MGMT: variants seen among roughly 807,000 people sequenced by gnomAD.
MGMT encodes O-6-methylguanine-DNA methyltransferase.
Under a neutral mutation model 15.9 loss-of-function variants are expected in MGMT, and 14 were observed. The ratio of observed to expected loss-of-function variants is 0.88; its 90% CI spans 0.58 to 1.37. The LOEUF is 1.37. Ranked by LOEUF, MGMT falls within the 40% of genes most tolerant of loss-of-function variation. The pLI, the probability that MGMT is intolerant of heterozygous loss-of-function variation, is 0.00. For synonymous variants in MGMT, 130 were observed against 118.2 expected (o/e 1.10, Z -0.65); for missense variants, 282 against 268.1 (o/e 1.05, Z -0.36).
At chr10:129,627,624 G>A (rs868229043) in intron 2 of MGMT, among the ~76,000 whole-genome samples, 19 of 152,064 alleles carry the variant, frequency 1.2e-4, no homozygotes, top group African/African-American at 3.9e-4. Context: ...CCTCACAGCC[G>A]TATGATTTCA....
chr10:129,544,666 A>ACCCCGGACCCCTGC (rs1846080432), intron 2 of MGMT, among the ~76,000 whole-genome samples: 1 of 151,780 alleles, frequency 6.6e-6, no homozygotes, highest in South Asian at 2.1e-4. Context: ...GGCCCTGTGG[A>ACCCCGGACCCCTGC]CCCCTGCCCC....
At chr10:129,720,527 T>C (rs1016725874) in intron 3 of MGMT, among the ~76,000 whole-genome samples, 7 of 152,204 alleles carry the variant, frequency 4.6e-5, no homozygotes, top group South Asian at 2.1e-4. Context: ...TTCTCTGATA[T>C]GCTATGGATA....
chr10:129,505,034 T>C (rs1845611533), intron 1 of MGMT, among the ~76,000 whole-genome samples: 1 of 152,344 alleles, frequency 6.6e-6, no homozygotes, highest in Non-Finnish European at 1.5e-5. Flanking sequence ...GAAAGTGTTA[T>C]AGACTTAAAA....
chr10:129,498,867 T>C (rs555443082), intron 1 of MGMT, among the ~76,000 whole-genome samples: 1 of 152,296 alleles, frequency 6.6e-6, no homozygotes, highest in African/African-American at 2.4e-5. Context: ...TTCCTGCCCT[T>C]CTCAGTAGGG....
chr10:129,703,136 C>A (rs1848118858), intron 2 of MGMT, among the ~76,000 whole-genome samples: 1 of 152,130 alleles, frequency 6.6e-6, no homozygotes, highest in Non-Finnish European at 1.5e-5. Context: ...TTACATTTCA[C>A]CCATGAATAG....
At chr10:129,692,332 G>C (rs751012562) in intron 2 of MGMT, among the ~76,000 whole-genome samples, 4 of 152,152 alleles carry the variant, frequency 2.6e-5, no homozygotes, top group Non-Finnish European at 4.4e-5. Context: ...GCTCGGGGCA[G>C]TATGAGTCCA....
Position 129,770,121 on chromosome 10 carries a change from A to G in MGMT, c.*3124A>G, listed in dbSNP as rs1186422509. 6.6e-6 allele frequency among the ~76,000 whole-genome samples: 1 copy of G among 152,142 alleles called. No homozygotes were observed. Among genetic ancestry groups the G allele is most frequent in the East Asian group, 1.9e-4 (1 of 5,184 alleles). Reference sequence around the variant, plus strand: ...AAGCTTCTCTGGTGCGTCGCGCCCCACGTGCTTCTCCAGAATCCCGTTTGG... The same window carrying G: ...AAGCTTCTCTGGTGCGTCGCGCCCCGCGTGCTTCTCCAGAATCCCGTTTGG... On this transcript the variant is annotated 3_prime_UTR_variant, in exon 5 of 5. Transcript: ENST00000651593.
intron 2 of MGMT, among the ~76,000 whole-genome samples, chr10:129,545,068 C>T (rs780482522): frequency 2.6e-5 from 4 of 152,162 alleles, no homozygotes; most frequent in Non-Finnish European, 5.9e-5. Flanking sequence ...GTCCTTGGGA[C>T]CCCTCTGTGA....
chr10:129,526,456 C>T (rs918052359), intron 1 of MGMT, among the ~76,000 whole-genome samples: 2 of 152,114 alleles, frequency 1.3e-5, no homozygotes, highest in Non-Finnish European at 2.9e-5. Flanking sequence ...AAGCCCAGGC[C>T]ACAAGGGACC....
intron 1 of MGMT, among the ~76,000 whole-genome samples, chr10:129,493,293 G>C (rs1845487931): frequency 6.6e-6 from 1 of 152,150 alleles, no homozygotes; most frequent in African/African-American, 2.4e-5. Context: ...CGGGTTGTCA[G>C]GGAGGCCCCA....
intron 3 of MGMT, among the ~76,000 whole-genome samples, chr10:129,721,409 A>ATTTAC (rs1848369921): frequency 6.6e-6 from 1 of 152,264 alleles, no homozygotes; most frequent in Non-Finnish European, 1.5e-5. Flanking sequence ...TGCATTTGTA[A>ATTTAC]ACCACATGAA....
intron 1 of MGMT, among the ~76,000 whole-genome samples, chr10:129,528,969 G>A (rs1368418120): frequency 2.0e-5 from 3 of 152,210 alleles, no homozygotes; most frequent in Non-Finnish European, 4.4e-5. Context: ...TCACGTCACT[G>A]TGATTCCAGG....
intron 2 of MGMT, among the ~76,000 whole-genome samples, chr10:129,671,773 C>G (rs7068306): frequency 0.32 from 48,651 of 152,094 alleles, 8,228 homozygotes; most frequent in East Asian, 0.48. Context: ...CATTGCCGAA[C>G]ACGTGAAGTT....
At chr10:129,538,420 G>A (rs1471550853) in intron 2 of MGMT, among the ~76,000 whole-genome samples, 2 of 152,146 alleles carry the variant, frequency 1.3e-5, no homozygotes, top group African/African-American at 4.8e-5. Flanking sequence ...CTTCAGAGCG[G>A]GATGGAATTT....
intron 2 of MGMT, among the ~76,000 whole-genome samples, chr10:129,622,791 G>GT (rs1387793752): frequency 6.7e-6 from 1 of 149,360 alleles, no homozygotes; most frequent in East Asian, 1.9e-4. Flanking sequence ...TAAATGGCCT[G>GT]TAAAAAAAAA....
At chr10:129,523,468 CTG>C (rs1299665365) in intron 1 of MGMT, among the ~76,000 whole-genome samples, 1 of 152,176 alleles carries the variant, frequency 6.6e-6, no homozygotes, top group East Asian at 1.9e-4. Context: ...GGGCATGAGA[CTG>C]TGCTGAGGTC....
intron 2 of MGMT, among the ~76,000 whole-genome samples, chr10:129,571,326 G>T (rs1230583280): frequency 4.6e-5 from 7 of 152,102 alleles, no homozygotes; most frequent in African/African-American, 1.7e-4. Flanking sequence ...CTAATGAGAG[G>T]CCCTAAGGCA....
chr10:129,588,034 A>G (rs1846637685), intron 2 of MGMT, among the ~76,000 whole-genome samples: 1 of 152,192 alleles, frequency 6.6e-6, no homozygotes, highest in African/African-American at 2.4e-5. Context: ...TCATGCTTTG[A>G]AGATTCACTA....
intron 1 of MGMT, among the ~76,000 whole-genome samples, chr10:129,478,335 GA>G (rs1845318869): frequency 6.6e-6 from 1 of 152,150 alleles, no homozygotes; most frequent in Non-Finnish European, 1.5e-5. Flanking sequence ...ACATCTCTCA[GA>G]ACCATACTCT....
Sources: gnomAD v4.1 joint callset for allele counts (sites outside exome capture counted in the v4.1 genomes callset) on GRCh38, gnomAD v4.1.1 for gene constraint, MANE v1.5 for transcripts, NCBI Gene and HGNC (gene_info 2026-07-23, HGNC 2026-07-21) for gene names.